PRKCE: variants seen among roughly 807,000 people sequenced by gnomAD.
PRKCE encodes the protein protein kinase C epsilon type.
A neutral mutation model predicts 85.4 loss-of-function variants in PRKCE; 16 were observed. That is an observed-to-expected ratio of 0.19 (90% CI 0.13 to 0.28). PRKCE has a LOEUF of 0.28. PRKCE is among the 10% of genes least tolerant of loss of function. The probability of loss-of-function intolerance (pLI) is 1.00; values close to 1 mark genes in which losing one functional copy is unlikely to be tolerated. For missense variants in PRKCE, 573 were observed against 975.2 expected (o/e 0.59, Z 5.49); for synonymous variants, 388 against 371.5 (o/e 1.04, Z -0.51).
intron 10 of PRKCE, among the ~76,000 whole-genome samples, chr2:46,020,841 G>A (rs910107917): frequency 4.6e-5 from 7 of 152,228 alleles, no homozygotes; most frequent in African/African-American, 1.7e-4. Flanking sequence ...TAAAGAGGAA[G>A]GAGAGACGTA....
chr2:45,776,239 G>A (rs1685737950), intron 1 of PRKCE, among the ~76,000 whole-genome samples: 1 of 152,114 alleles, frequency 6.6e-6, no homozygotes, highest in Non-Finnish European at 1.5e-5. Flanking sequence ...CTGAGAAAAG[G>A]CGACCTGATG....
At chr2:45,730,193 G>A (rs986874289) in intron 1 of PRKCE, among the ~76,000 whole-genome samples, 5 of 152,232 alleles carry the variant, frequency 3.3e-5, no homozygotes, top group Admixed American at 6.5e-5. Flanking sequence ...ACAGGGTTCC[G>A]CTCTGTCACC....
chr2:45,659,688 G>A (rs78033088), intron 1 of PRKCE, among the ~76,000 whole-genome samples: 3,074 of 152,128 alleles, frequency 0.02, 59 homozygotes, highest in Middle Eastern at 0.038. Context: ...CTTTACCCTT[G>A]CCATCCCATT....
intron 10 of PRKCE, among the ~76,000 whole-genome samples, chr2:46,085,917 A>G (rs1391679500): frequency 1.3e-5 from 2 of 152,244 alleles, no homozygotes. Flanking sequence ...CCAGATGACA[A>G]CAAAAATCAA....
intron 11 of PRKCE, among the ~76,000 whole-genome samples, chr2:46,140,132 G>A (rs146970757): frequency 1.2e-4 from 18 of 152,230 alleles, no homozygotes; most frequent in African/African-American, 4.1e-4. Flanking sequence ...CTCTCCCTAA[G>A]TTAATTTATA....
chr2:45,931,305 A>G (rs1699027345), intron 2 of PRKCE, among the ~76,000 whole-genome samples: 1 of 152,222 alleles, frequency 6.6e-6, no homozygotes, highest in Non-Finnish European at 1.5e-5. Context: ...GATTTATGCT[A>G]GAGAAACCAT....
intron 10 of PRKCE, chr2:46,078,635 A>G (rs1668769832): frequency 6.6e-6 from 1 of 151,952 alleles, no homozygotes; most frequent in Admixed American, 6.6e-5. Context: ...TCCTGGATCT[A>G]TGCACTGTTT....
At chr2:45,659,770 G>C (rs1258909102) in intron 1 of PRKCE, among the ~76,000 whole-genome samples, 1 of 151,070 alleles carries the variant, frequency 6.6e-6, no homozygotes, top group African/African-American at 2.4e-5. Context: ...TCTCAGTAAG[G>C]CCTTTTCTGG....
chr2:45,687,209 C>G (rs547073183), intron 1 of PRKCE, among the ~76,000 whole-genome samples: 61 of 152,058 alleles, frequency 4.0e-4, no homozygotes, highest in African/African-American at 1.4e-3. Flanking sequence ...TTGAAAATCA[C>G]ACATAAAAAC....
rs180913119 is a variant in PRKCE, at chr2:45,719,331, G to A, written c.348+66883G>A. The stretch of plus-strand genomic sequence containing the variant: ...CTTATCTCTGCACTGATTCAGCACT[G>A]GATTAATCTTACAGTTTTATTCTGA... On this transcript the variant is annotated intron_variant, in intron 1 of 14. Coordinates refer to ENST00000306156, the MANE Select transcript of PRKCE (RefSeq NM_005400.3). Among the ~76,000 whole-genome samples, 3 of 152,346 alleles carry A rather than the reference G, an allele frequency of 2.0e-5. No individual in the cohort carries two copies. The East Asian group carries it at 5.8e-4, about 29-fold the overall frequency.
intron 1 of PRKCE, among the ~76,000 whole-genome samples, chr2:45,814,224 C>T (rs899776602): frequency 2.0e-5 from 3 of 152,184 alleles, no homozygotes; most frequent in African/African-American, 7.2e-5. Context: ...GAAGCCAGAG[C>T]TATAGATTGG....
intron 11 of PRKCE, 81 bp downstream of exon 11, chr2:46,086,443 G>A: frequency 2.0e-6 from 3 of 1,489,864 alleles, no homozygotes; most frequent in Non-Finnish European, 2.7e-6. Context: ...TTCAGCTCCT[G>A]CCCACTCGTC....
At chr2:46,169,699 G>A (rs763251610) in intron 14 of PRKCE, among the ~76,000 whole-genome samples, 2 of 152,290 alleles carry the variant, frequency 1.3e-5, no homozygotes, top group African/African-American at 2.4e-5. Flanking sequence ...CCCCCCTAGC[G>A]CAGCAGCTGA....
rs1675151146 is a variant in PRKCE at position 45,652,059 on chromosome 2, G to A, written c.-42G>A. The A allele has an allele frequency of 6.8e-7, 1 of 1,467,744 alleles. No individual in the cohort carries two copies. Among genetic ancestry groups the A allele is most frequent in the Non-Finnish European group, 9.2e-7 (1 of 1,086,648 alleles). 90.9% of individuals were successfully genotyped at this position (1,467,744 alleles called of 1,614,324 possible). A position where few individuals can be genotyped will look rare whatever the true frequency, so the allele number is the denominator to read the frequency against. On this transcript the variant is annotated 5_prime_UTR_variant, in exon 1 of 15. Coordinates refer to ENST00000306156, the MANE Select transcript of PRKCE (RefSeq NM_005400.3). This position sits in a 1 kb window ranked among gnomAD's most constrained non-coding sequence, Gnocchi z 7.7. ...CGTCGGTTCTTCATTCCTGCCCTCGGGGCAGACGGAGTGACCCCGGCCCCC... is the reference window on the plus strand; with the variant it reads ...CGTCGGTTCTTCATTCCTGCCCTCGAGGCAGACGGAGTGACCCCGGCCCCC...
At chr2:45,813,545 G>A (rs1688804512) in intron 1 of PRKCE, among the ~76,000 whole-genome samples, 1 of 152,186 alleles carries the variant, frequency 6.6e-6, no homozygotes, top group South Asian at 2.1e-4. Context: ...CATGAGAGTT[G>A]AGAGCTGGAA....
chr2:45,972,149 C>G (rs750444307), intron 2 of PRKCE, among the ~76,000 whole-genome samples: 1 of 152,156 alleles, frequency 6.6e-6, no homozygotes, highest in African/African-American at 2.4e-5. Context: ...TTTATCATAG[C>G]CATCTTAACA....
intron 2 of PRKCE, among the ~76,000 whole-genome samples, chr2:45,904,007 G>T (rs758585739): frequency 2.1e-4 from 32 of 151,584 alleles, no homozygotes; most frequent in Non-Finnish European, 3.2e-4. Context: ...GAGTTCAAGC[G>T]ATTCTCGTGC....
chr2:45,654,835 C>A (rs1002658953), intron 1 of PRKCE, among the ~76,000 whole-genome samples: 5 of 152,052 alleles, frequency 3.3e-5, no homozygotes, highest in African/African-American at 4.8e-5. Flanking sequence ...GGTGACTGGC[C>A]CCTGGAAATG....
intron 1 of PRKCE, among the ~76,000 whole-genome samples, chr2:45,838,126 A>G (rs1004977913): frequency 2.6e-4 from 39 of 152,180 alleles, no homozygotes; most frequent in African/African-American, 9.2e-4. Context: ...GGGGTGGTCA[A>G]GGTGTCTGAG....
Sources: allele counts gnomAD v4.1 joint callset (sites outside exome capture counted in the v4.1 genomes callset), GRCh38; gene constraint gnomAD v4.1.1; non-coding constraint Gnocchi (gnomAD v3.1); transcripts MANE v1.5; gene names NCBI Gene and HGNC (gene_info 2026-07-23, HGNC 2026-07-21).